The following IGSF21 variants were observed in gnomAD, a reference collection of about 807,000 sequenced individuals.
IGSF21 encodes immunoglobulin superfamily member 21.
IGSF21 carries 28 observed loss-of-function variants against 46.8 expected under a neutral mutation model. That is an observed-to-expected ratio of 0.60 (90% CI 0.44 to 0.82). The LOEUF (loss-of-function observed/expected upper bound fraction) is 0.82, where lower values mean the gene tolerates loss of function less well. Among genes scored for constraint, IGSF21 ranks in the 40% least tolerant of loss-of-function variants. IGSF21 has a pLI of 0.00. For synonymous variants in IGSF21, 284 were observed against 273.6 expected, an observed-to-expected ratio of 1.04 and a Z score of -0.38; for missense variants, 624 against 665.5, an observed-to-expected ratio of 0.94 and a Z score of 0.69.
At chr1:18,263,840 G>T (rs371204408) in intron 2 of IGSF21, among the ~76,000 whole-genome samples, 2 of 152,124 alleles carry the variant, frequency 1.3e-5, no homozygotes, top group East Asian at 3.8e-4. Flanking sequence ...AAATTTTCTC[G>T]TCTTCTTTCT....
At chr1:18,143,056 AG>A (rs1425005585) in intron 1 of IGSF21, among the ~76,000 whole-genome samples, 1 of 152,202 alleles carries the variant, frequency 6.6e-6, no homozygotes, top group Non-Finnish European at 1.5e-5. Context: ...TCTCAGGGAC[AG>A]GACTCATGAG....
At chr1:18,213,115 T>G (rs2084408876) in intron 1 of IGSF21, among the ~76,000 whole-genome samples, 1 of 152,160 alleles carries the variant, frequency 6.6e-6, no homozygotes, top group Non-Finnish European at 1.5e-5. Flanking sequence ...TTAAGTCCCC[T>G]CCCTCTGATA....
intron 1 of IGSF21, among the ~76,000 whole-genome samples, chr1:18,172,533 G>A (rs559065238): frequency 2.0e-5 from 3 of 152,270 alleles, no homozygotes; most frequent in East Asian, 1.9e-4. Flanking sequence ...GTAGATGGCC[G>A]CCTTCTCACT....
intron 1 of IGSF21, among the ~76,000 whole-genome samples, chr1:18,144,740 G>C (rs2086449905): frequency 6.6e-6 from 1 of 152,086 alleles, no homozygotes; most frequent in Non-Finnish European, 1.5e-5. Context: ...CCTTGTGTCA[G>C]CAGGGCCACT....
chr1:18,172,822 C>T (rs2086752419), intron 1 of IGSF21, among the ~76,000 whole-genome samples: 2 of 152,210 alleles, frequency 1.3e-5, no homozygotes, highest in South Asian at 2.1e-4. Flanking sequence ...GCCCAAATCA[C>T]ATCACTTGCA....
In IGSF21 at chr1:18,282,237, A is replaced by G. The variant is rs140228890; in HGVS notation, c.184-9629A>G. Among the ~76,000 whole-genome samples the G allele has an allele frequency of 1.6e-4, 25 of 152,234 alleles. No individual in the cohort carries two copies. In the East Asian group the frequency reaches 4.8e-3, roughly 30 times the overall value. On this transcript the variant is annotated intron_variant, in intron 2 of 9. Coordinates refer to ENST00000251296, the MANE Select transcript of IGSF21 (RefSeq NM_032880.5). ...TCCAAATGACCTGATGACGCTTGTTAAAAATGCAGAATAAGGACTGCATTC... is the reference window on the plus strand; with the variant it reads ...TCCAAATGACCTGATGACGCTTGTTGAAAATGCAGAATAAGGACTGCATTC...
At chr1:18,215,573 G>T (rs2084436035) in intron 1 of IGSF21, among the ~76,000 whole-genome samples, 1 of 152,184 alleles carries the variant, frequency 6.6e-6, no homozygotes, top group South Asian at 2.1e-4. Flanking sequence ...AAGTGATGGG[G>T]GCAAAGTGAC....
At chr1:18,221,695 G>A (rs1251412602) in intron 1 of IGSF21, among the ~76,000 whole-genome samples, 3 of 152,240 alleles carry the variant, frequency 2.0e-5, no homozygotes, top group East Asian at 1.9e-4. Flanking sequence ...AGATGGATCC[G>A]TCTCCACTCC....
At chr1:18,250,013 C>G (rs2084822586) in intron 2 of IGSF21, among the ~76,000 whole-genome samples, 1 of 151,666 alleles carries the variant, frequency 6.6e-6, no homozygotes, top group Non-Finnish European at 1.5e-5. Flanking sequence ...GGCCCCAGTG[C>G]CCAACATGGT....
At chr1:18,199,215 A>G (rs1277140403) in intron 1 of IGSF21, among the ~76,000 whole-genome samples, 1 of 152,124 alleles carries the variant, frequency 6.6e-6, no homozygotes, top group African/African-American at 2.4e-5. Context: ...TGCACCCATC[A>G]GTGGCGTGCC....
chr1:18,366,979 G>A (rs1052490742), intron 6 of IGSF21, among the ~76,000 whole-genome samples: 3 of 152,308 alleles, frequency 2.0e-5, no homozygotes, highest in African/African-American at 4.8e-5. Flanking sequence ...GAGGGCAGGG[G>A]ATGGGCACGA....
intron 1 of IGSF21, among the ~76,000 whole-genome samples, chr1:18,213,409 C>T (rs2084411739): frequency 6.6e-6 from 1 of 152,168 alleles, no homozygotes; most frequent in Admixed American, 6.5e-5. Context: ...TACAGTCATT[C>T]AAGTACCCAG....
At chr1:18,241,106 G>A (rs565700206) in intron 2 of IGSF21, among the ~76,000 whole-genome samples, 4 of 152,312 alleles carry the variant, frequency 2.6e-5, no homozygotes, top group Non-Finnish European at 4.4e-5. Flanking sequence ...CAAAGGTGAG[G>A]CCAGGGGACA....
At chr1:18,146,188 T>C (rs529774749) in intron 1 of IGSF21, among the ~76,000 whole-genome samples, 1 of 152,298 alleles carries the variant, frequency 6.6e-6, no homozygotes, top group East Asian at 1.9e-4. Flanking sequence ...TTCTCCCCAC[T>C]CTCCATTAGT....
intron 2 of IGSF21, among the ~76,000 whole-genome samples, chr1:18,281,255 G>T (rs896518892): frequency 6.6e-6 from 1 of 152,134 alleles, no homozygotes; most frequent in East Asian, 1.9e-4. Flanking sequence ...CACACCGAGG[G>T]TGTGTAGTGA....
At chr1:18,221,135 C>T (rs886631773) in intron 1 of IGSF21, among the ~76,000 whole-genome samples, 2 of 152,118 alleles carry the variant, frequency 1.3e-5, no homozygotes, top group Non-Finnish European at 2.9e-5. Context: ...ATTCACTTTC[C>T]TTCAGCTTTA....
intron 1 of IGSF21, among the ~76,000 whole-genome samples, chr1:18,127,354 G>GT (rs2086282568): frequency 6.6e-6 from 1 of 152,160 alleles, no homozygotes; most frequent in Non-Finnish European, 1.5e-5. Flanking sequence ...AGATTGGGTG[G>GT]TCAAGGAAGG....
At chr1:18,266,845 T>G (rs191509800) in intron 2 of IGSF21, among the ~76,000 whole-genome samples, 1 of 152,360 alleles carries the variant, frequency 6.6e-6, no homozygotes, top group Admixed American at 6.5e-5. Flanking sequence ...ACCTATGTCC[T>G]GCAGGGAGAC....
At chr1:18,339,828 C>A (rs1026548919) in intron 4 of IGSF21, among the ~76,000 whole-genome samples, 1 of 152,154 alleles carries the variant, frequency 6.6e-6, no homozygotes, top group Non-Finnish European at 1.5e-5. Flanking sequence ...CTGGAAGGAA[C>A]ACAGAATGTC....
Sources: gnomAD v4.1 joint callset for allele counts (sites outside exome capture counted in the v4.1 genomes callset) on GRCh38, gnomAD v4.1.1 for gene constraint, MANE v1.5 for transcripts, NCBI Gene and HGNC (gene_info 2026-07-23, HGNC 2026-07-21) for gene names.